The following CSMD1 variants were observed in gnomAD, a reference collection of about 807,000 sequenced individuals.
CSMD1 encodes CUB and sushi domain-containing protein 1.
CSMD1 carries 213 observed loss-of-function variants against 417.5 expected under a neutral mutation model. The observed-to-expected ratio is 0.51, with a 90% CI of 0.46 to 0.57. The LOEUF is 0.57. Among genes scored for constraint, CSMD1 ranks in the 20% least tolerant of loss-of-function variants. The pLI, the probability that CSMD1 is intolerant of heterozygous loss-of-function variation, is 0.00. For missense variants in CSMD1, 6,923 were observed against 4,529.7 expected (o/e 1.53, Z -15.17); for synonymous variants, 2,862 against 1,736.8 (o/e 1.65, Z -16.11).
At chr8:3,271,130 C>G (rs942738407) in intron 26 of CSMD1, among the ~76,000 whole-genome samples, 37 of 140,310 alleles carry the variant, frequency 2.6e-4, no homozygotes, top group Non-Finnish European at 4.8e-4. Context: ...TTCCTGTGTT[C>G]ACGTGTTCTC....
chr8:3,609,964 G>A (rs1029462812), intron 8 of CSMD1, among the ~76,000 whole-genome samples: 1 of 151,692 alleles, frequency 6.6e-6, no homozygotes, highest in Non-Finnish European at 1.5e-5. Context: ...AACATGCCCA[G>A]CTAATTTTTG....
intron 29 of CSMD1, among the ~76,000 whole-genome samples, chr8:3,216,126 C>G (rs1442168532): frequency 6.6e-6 from 1 of 151,084 alleles, no homozygotes; most frequent in Non-Finnish European, 1.5e-5. Context: ...ATATACATTT[C>G]TTGTTTTGTG....
intron 1 of CSMD1, among the ~76,000 whole-genome samples, chr8:4,666,622 CTTA>C (rs1176491643): frequency 1.4e-4 from 21 of 152,120 alleles, no homozygotes; most frequent in African/African-American, 4.6e-4. Context: ...ATTGTGGTAA[CTTA>C]TTATATAAGC....
chr8:3,064,042 C>T (rs1230251454), intron 49 of CSMD1, among the ~76,000 whole-genome samples: 2 of 152,156 alleles, frequency 1.3e-5, no homozygotes, highest in Non-Finnish European at 2.9e-5. Context: ...TGCACAATAG[C>T]CAATCAGTAC....
intron 12 of CSMD1, among the ~76,000 whole-genome samples, chr8:3,424,463 T>G (rs1409701623): frequency 6.6e-6 from 1 of 152,232 alleles, no homozygotes; most frequent in African/African-American, 2.4e-5. Context: ...TCACTGTTTG[T>G]ATGCGAATAT....
At chr8:3,378,167 G>C (rs1810427936) in intron 18 of CSMD1, among the ~76,000 whole-genome samples, 2 of 152,252 alleles carry the variant, frequency 1.3e-5, no homozygotes, top group African/African-American at 4.8e-5. Flanking sequence ...TCACCTGCTG[G>C]GTAGAGTAGA....
intron 3 of CSMD1, among the ~76,000 whole-genome samples, chr8:4,114,000 G>A (rs1327066280): frequency 2.0e-5 from 3 of 152,192 alleles, no homozygotes; most frequent in East Asian, 3.8e-4. Context: ...CAATGTAGAA[G>A]CTGCAGCACG....
chr8:4,306,682 T>A (rs1798266586), intron 3 of CSMD1, among the ~76,000 whole-genome samples: 1 of 152,122 alleles, frequency 6.6e-6, no homozygotes, highest in African/African-American at 2.4e-5. Flanking sequence ...ACAATTCACA[T>A]GCTCTCCTCT....
At chr8:4,131,572 T>C (rs1016403494) in intron 3 of CSMD1, among the ~76,000 whole-genome samples, 8 of 152,178 alleles carry the variant, frequency 5.3e-5, no homozygotes, top group African/African-American at 1.4e-4. Flanking sequence ...TTCTCATATA[T>C]TGATAAACTG....
chr8:3,800,299 T>C (rs1396065780), intron 5 of CSMD1, among the ~76,000 whole-genome samples: 2 of 152,174 alleles, frequency 1.3e-5, no homozygotes, highest in African/African-American at 4.8e-5. Context: ...TGAGAAGTTA[T>C]ACTGGGCAAA....
intron 3 of CSMD1, among the ~76,000 whole-genome samples, chr8:4,234,321 A>G (rs1032957935): frequency 6.6e-6 from 1 of 152,124 alleles, no homozygotes; most frequent in Admixed American, 6.5e-5. Context: ...TGCAGACACA[A>G]GTTTAGAAAT....
chr8:4,982,244 T>G (rs944397121), intron 1 of CSMD1, among the ~76,000 whole-genome samples: 5 of 152,226 alleles, frequency 3.3e-5, no homozygotes, highest in African/African-American at 7.2e-5. Context: ...GCTGTTGCGT[T>G]TGCAATAATA....
At chr8:4,043,465 C>G (rs1055271845) in intron 3 of CSMD1, among the ~76,000 whole-genome samples, 7 of 152,034 alleles carry the variant, frequency 4.6e-5, no homozygotes, top group Non-Finnish European at 7.4e-5. Context: ...AAAAATACAC[C>G]CAGTGTTATG....
At position 4,330,129 on chromosome 8, in the gene CSMD1, G is replaced by C. The variant is rs556318116; in HGVS notation, c.415+89824C>G. Among the ~76,000 whole-genome samples the C allele has an allele frequency of 4.0e-5, 6 of 151,798 alleles. No homozygotes were observed. The South Asian group carries it at 1.0e-3, about 26-fold the overall frequency. On this transcript the variant is annotated intron_variant, in intron 3 of 69. Transcript: ENST00000635120. ...ATAGTCAGCATTTGACTACATTTAA[G>C]ACTTCACAATGAGTAGTATCCCAAC...
chr8:3,175,840 T>G (rs963865069), intron 37 of CSMD1, among the ~76,000 whole-genome samples: 2 of 152,188 alleles, frequency 1.3e-5, no homozygotes, highest in Non-Finnish European at 2.9e-5. Flanking sequence ...GGTTTCCTAG[T>G]AGTGAATGTG....
intron 5 of CSMD1, among the ~76,000 whole-genome samples, chr8:3,951,469 G>C (rs561203269): frequency 6.6e-6 from 1 of 152,254 alleles, no homozygotes; most frequent in East Asian, 1.9e-4. Context: ...TCCTCCGCTT[G>C]TGGGATTCCA....
chr8:3,516,422 C>G (rs977752440), intron 10 of CSMD1, among the ~76,000 whole-genome samples: 2 of 152,160 alleles, frequency 1.3e-5, no homozygotes, highest in African/African-American at 4.8e-5. Context: ...GACTAGTTTT[C>G]AAAATCGTCT....
At chr8:4,642,007 G>C (rs1803224197) in intron 1 of CSMD1, among the ~76,000 whole-genome samples, 1 of 152,172 alleles carries the variant, frequency 6.6e-6, no homozygotes, top group Admixed American at 6.5e-5. Context: ...GAACAATTTG[G>C]ATTTGGATTA....
rs76881891 is a variant in CSMD1, at chr8:4,875,884, G to C, written c.85+118448C>G. 5.9e-4 allele frequency among the ~76,000 whole-genome samples: 90 copies of C among 152,026 alleles called. 1 individual carries two copies. Among genetic ancestry groups the C allele is most frequent in the Admixed American group, 1.7e-3 (26 of 15,256 alleles). ...TGAAATAATTTATGAAAGCCATTTA[G>C]TGAATATTTAATTACTCAAAAGAGT... On this transcript the variant is annotated intron_variant, in intron 1 of 69. Coordinates refer to ENST00000635120, the MANE Select transcript of CSMD1 (RefSeq NM_033225.6).
Sources: gnomAD v4.1 joint callset for allele counts (sites outside exome capture counted in the v4.1 genomes callset) on GRCh38, gnomAD v4.1.1 for gene constraint, MANE v1.5 for transcripts, NCBI Gene and HGNC (gene_info 2026-07-23, HGNC 2026-07-21) for gene names.